Variants in ABCB10 observed in about 807,000 individuals in gnomAD.
The protein encoded by ABCB10 is ATP binding cassette subfamily B member 10.
ABCB10 carries 54 observed loss-of-function variants against 65.4 expected under a neutral mutation model. The ratio of observed to expected loss-of-function variants is 0.83; its 90% CI spans 0.66 to 1.04. The LOEUF (loss-of-function observed/expected upper bound fraction) is 1.04. ABCB10 is among the 50% of genes least tolerant of loss of function. The pLI is 0.00. For missense variants in ABCB10, 846 were observed against 976.6 expected, an observed-to-expected ratio of 0.87 and a Z score of 1.78; for synonymous variants, 418 against 406.5, an observed-to-expected ratio of 1.03 and a Z score of -0.34.
At chr1:229,534,892 A>C (rs1174031450) in intron 6 of ABCB10, among the ~76,000 whole-genome samples, 5 of 115,396 alleles carry the variant, frequency 4.3e-5, no homozygotes, top group Non-Finnish European at 7.4e-5. Context: ...AAAAAAAAAA[A>C]GGCCAAGCAT....
rs1053288625 is a variant in ABCB10, at chr1:229,517,958, T to C, written c.*221A>G. On this transcript the variant is annotated 3_prime_UTR_variant, in exon 13 of 13. Transcript: ENST00000344517. ...GAAAATACAAAACCTGAAAATAACT[T>C]CAGTGCTATAGACATTTAAAAAGTT... 6.5e-6 allele frequency: 3 copies of C among 458,910 alleles called. No individual in the cohort carries two copies. Among genetic ancestry groups the C allele is most frequent in the Non-Finnish European group, 1.2e-5 (3 of 260,830 alleles). The allele number at this position is 458,910 out of a possible 1,614,324, so 28.4% of individuals were successfully genotyped here. A position where few individuals can be genotyped will look rare whatever the true frequency, so the allele number is the denominator to read the frequency against.
chr1:229,539,729 T>G, intron 5 of ABCB10, 138 bp from the exon 6 acceptor site: 1 of 996,392 alleles, frequency 1.0e-6, no homozygotes, highest in Non-Finnish European at 1.4e-6. Context: ...TTCACCTGAG[T>G]TTCAAATTAA....
chr1:229,518,579 G>T (rs565490129), intron 12 of ABCB10, among the ~76,000 whole-genome samples, 169 bp from the exon 13 acceptor site: 5 of 152,290 alleles, frequency 3.3e-5, no homozygotes, highest in East Asian at 1.9e-4. Context: ...AAGGAGAAAA[G>T]CATTCTGCAC....
intron 12 of ABCB10, 21 bp from the exon 13 acceptor site, chr1:229,518,431 C>A: frequency 6.2e-7 from 1 of 1,604,810 alleles, no homozygotes; most frequent in Non-Finnish European, 8.5e-7. Context: ...AGCACACACA[C>A]AAGAAAGCAA....
At chr1:229,541,216 G>A (rs888578031) in intron 4 of ABCB10, among the ~76,000 whole-genome samples, 1 of 152,058 alleles carries the variant, frequency 6.6e-6, no homozygotes, top group Admixed American at 6.6e-5. Context: ...CAAGTATAAT[G>A]GTTATTTTTT....
chr1:229,527,486 T>C (rs1193227512), intron 8 of ABCB10, among the ~76,000 whole-genome samples, 178 bp from the exon 9 acceptor site: 2 of 152,224 alleles, frequency 1.3e-5, no homozygotes, highest in Non-Finnish European at 2.9e-5. Context: ...TAAAAGGGAC[T>C]TTCTGGATTG....
At position 229,549,242 on chromosome 1, in the gene ABCB10, T is replaced by C. The variant is rs1263711222; in HGVS notation, c.710A>G (p.Gln237Arg). The C allele has an allele frequency of 6.2e-7, 1 of 1,613,976 alleles. No individual in the cohort carries two copies. Residue 237 changes from glutamine to arginine, a missense_variant, in exon 2 of 13, where the codon CAA (glutamine) becomes CGA (arginine). Physicochemically the swap from Gln to Arg is conservative, Grantham distance 43. This residue lies in a region of ABCB10 where 632 missense variants were observed against 803.2 expected (regional missense o/e 0.79). Transcript: ENST00000344517. ...AGAGGAGAGACTGTTACCTGAAGTT[T>C]GCATGAGGTAGACACGAATGGCATT... is the stretch of plus-strand genomic sequence containing the variant. ...AANAIRVYLMQTSGQRIVNRL... is the reference protein window; with the variant it reads ...AANAIRVYLMRTSGQRIVNRL...
At position 229,558,162 on chromosome 1, in the gene ABCB10, G is replaced by A. The variant is rs1463811303; in HGVS notation, c.491C>T (p.Ala164Val). ...LPEARKLLGL[A>V]YPERRRLAAA... is the part of the protein sequence containing the mutation. Reference sequence around the variant, plus strand: ...TGCCAGCCTCCGGCGCTCAGGGTACGCCAGCCCCAGGAGCTTCCGGGCCTC... The same window carrying A: ...TGCCAGCCTCCGGCGCTCAGGGTACACCAGCCCCAGGAGCTTCCGGGCCTC... Residue 164 changes from alanine (A) to valine (V), a missense_variant, in exon 1 of 13, where the codon GCG becomes GTG. Physicochemically the swap from Ala to Val is moderately conservative, Grantham distance 64. This residue lies in a region of ABCB10 where 632 missense variants were observed against 803.2 expected (regional missense o/e 0.79). Coordinates refer to ENST00000344517, the MANE Select transcript of ABCB10 (RefSeq NM_012089.3). 7.0e-7 allele frequency: 1 copy of A among 1,434,420 alleles called. No homozygotes were observed. Among genetic ancestry groups the A allele is most frequent in the Non-Finnish European group, 9.1e-7 (1 of 1,097,242 alleles). The allele number at this position is 1,434,420 out of a possible 1,614,324, so 88.9% of individuals were successfully genotyped here. A position where few individuals can be genotyped will look rare whatever the true frequency, so the allele number is the denominator to read the frequency against.
Position 229,525,939 on chromosome 1 carries a change from AGAG to A in ABCB10, c.1900_1902del (p.Leu634del). On this transcript the variant is annotated inframe_deletion, in exon 10 of 13. Transcript: ENST00000344517. ...ACAAAGCAGTAAAGAAATGCACCTG[AGAG>A]GAGAACACCCTTTTCTCCAACCACA... 1 of 1,611,706 alleles carries A rather than the reference AGAG, an allele frequency of 6.2e-7. No homozygotes were observed. The highest frequency in any genetic ancestry group is 8.5e-7 in the Non-Finnish European group (1 of 1,178,890).
intron 1 of ABCB10, among the ~76,000 whole-genome samples, chr1:229,556,809 C>T (rs73099839): frequency 0.014 from 2,138 of 152,274 alleles, 47 homozygotes; most frequent in African/African-American, 0.048. Context: ...TCACTCTGTG[C>T]CTGGTGGTAT....
chr1:229,539,432 C>T lies in ABCB10; in HGVS notation c.1339+24G>A, dbSNP rs1273909251. ...TGCTCTGATTTTTAATTTGTAACAC[C>T]CCAAGCCTATTTAAATTATTTACCT... On this transcript the variant is annotated intron_variant, in intron 6 of 12. Coordinates refer to ENST00000344517, the MANE Select transcript of ABCB10 (RefSeq NM_012089.3). 4.3e-6 allele frequency: 7 copies of T among 1,613,254 alleles called. No individual in the cohort carries two copies. In the East Asian group the frequency reaches 8.9e-5, roughly 21 times the overall value.
chr1:229,544,253 T>C (rs1323897251), intron 3 of ABCB10, among the ~76,000 whole-genome samples: 1 of 151,542 alleles, frequency 6.6e-6, no homozygotes, highest in Non-Finnish European at 1.5e-5. Flanking sequence ...ACTGTCTCTA[T>C]AAAAAATACA....
intron 6 of ABCB10, among the ~76,000 whole-genome samples, chr1:229,537,651 G>T (rs918824315): frequency 4.6e-5 from 7 of 152,104 alleles, no homozygotes; most frequent in African/African-American, 1.7e-4. Context: ...TTAGCCAGGT[G>T]TGGCAGCACG....
At chr1:229,540,796 T>C in intron 4 of ABCB10, 44 bp from the exon 5 acceptor site, 1 of 1,564,258 alleles carries the variant, frequency 6.4e-7, no homozygotes, top group Non-Finnish European at 8.6e-7. Context: ...AGGGTCATAT[T>C]TCAAGAGCTT....
intron 8 of ABCB10, among the ~76,000 whole-genome samples, chr1:229,528,145 T>G (rs1371855651): frequency 2.0e-5 from 3 of 152,184 alleles, no homozygotes; most frequent in East Asian, 1.9e-4. Context: ...GCTGGAAATG[T>G]TCACAAACTG....
intron 8 of ABCB10, 93 bp downstream of exon 8, chr1:229,530,105 AG>A: frequency 8.3e-7 from 1 of 1,205,034 alleles, no homozygotes; most frequent in Non-Finnish European, 1.2e-6. Context: ...CTACAAAATA[AG>A]GTATTTGCAT....
chr1:229,537,504 T>G (rs1441655054), intron 6 of ABCB10, among the ~76,000 whole-genome samples: 1 of 152,212 alleles, frequency 6.6e-6, no homozygotes, highest in Non-Finnish European at 1.5e-5. Flanking sequence ...CATAAAAGCA[T>G]GGCTGGGTGC....
At chr1:229,530,471 G>A (rs1339267458) in intron 7 of ABCB10, 63 bp from the exon 8 acceptor site, 25 of 1,559,742 alleles carry the variant, frequency 1.6e-5, no homozygotes, top group East Asian at 4.5e-5. Context: ...AGCTGAACTC[G>A]GTTCTCCTAC....
intron 6 of ABCB10, chr1:229,534,931 T>C (rs1364249184): frequency 6.8e-6 from 1 of 147,814 alleles, no homozygotes; most frequent in African/African-American, 2.5e-5. Context: ...TCCCAGCTCT[T>C]TGGGAGGCTG....
Sources: allele counts gnomAD v4.1 joint callset (sites outside exome capture counted in the v4.1 genomes callset), GRCh38; gene constraint gnomAD v4.1.1; regional missense constraint gnomAD v4.1.1; transcripts MANE v1.5; gene names NCBI Gene and HGNC (gene_info 2026-07-23, HGNC 2026-07-21).